Variants in PAX3 observed in about 807,000 individuals in gnomAD.
PAX3 encodes the protein paired box protein Pax-3.
In PAX3, 14 loss-of-function variants were observed where a neutral mutation model predicts 51.6. That is an observed-to-expected ratio of 0.27 (90% CI 0.18 to 0.42). The LOEUF (loss-of-function observed/expected upper bound fraction) is 0.42, where lower values mean the gene tolerates loss of function less well. Among genes scored for constraint, PAX3 ranks in the 10% least tolerant of loss-of-function variants. PAX3 has a pLI of 1.00. For synonymous variants in PAX3, 280 were observed against 253.4 expected, an observed-to-expected ratio of 1.11 and a Z score of -1.00; for missense variants, 540 against 642.8, an observed-to-expected ratio of 0.84 and a Z score of 1.73.
chr2:222,244,282 C>T (rs1280813322), intron 4 of PAX3, among the ~76,000 whole-genome samples: 2 of 152,142 alleles, frequency 1.3e-5, no homozygotes, highest in South Asian at 2.1e-4. Flanking sequence ...AGTTTCATGT[C>T]ATGGTGATGT....
intron 3 of PAX3, among the ~76,000 whole-genome samples, chr2:222,294,834 A>T (rs1695207597): frequency 7.8e-6 from 1 of 128,568 alleles, no homozygotes; most frequent in Non-Finnish European, 1.6e-5. Context: ...TAAGGCTATA[A>T]AGGGTTTAAA....
chr2:222,207,978 TG>T (rs1691577525), intron 7 of PAX3, among the ~76,000 whole-genome samples: 1 of 146,542 alleles, frequency 6.8e-6, no homozygotes, highest in African/African-American at 2.4e-5. Context: ...TATATGTATA[TG>T]TATATATATA....
intron 4 of PAX3, among the ~76,000 whole-genome samples, chr2:222,243,641 TTAGTA>T (rs1287172569): frequency 6.6e-6 from 1 of 152,208 alleles, no homozygotes; most frequent in Non-Finnish European, 1.5e-5. Flanking sequence ...TCTGTGATCT[TTAGTA>T]TAAAGATCAA....
chr2:222,236,726 A>G (rs1367902998), intron 4 of PAX3, among the ~76,000 whole-genome samples: 1 of 152,106 alleles, frequency 6.6e-6, no homozygotes, highest in Non-Finnish European at 1.5e-5. Flanking sequence ...TTAAATATAA[A>G]CTCTTTGGAC....
intron 4 of PAX3, chr2:222,264,602 C>T (rs960960119): frequency 6.6e-6 from 1 of 151,920 alleles, no homozygotes; most frequent in Non-Finnish European, 1.5e-5. Flanking sequence ...ATGATAATTT[C>T]AAAAAATAAA....
Position 222,298,689 on chromosome 2 carries a change from C to G in PAX3, c.-74G>C. ...GAAAGGCGAGTGCGGCGCGGATGACCCTCGGGAACTATCCGGAGCGTGGAG... is the reference window on the plus strand; with the variant it reads ...GAAAGGCGAGTGCGGCGCGGATGACGCTCGGGAACTATCCGGAGCGTGGAG... On this transcript the variant is annotated 5_prime_UTR_variant, in exon 1 of 9. Coordinates refer to ENST00000392070, the MANE Select transcript of PAX3 (RefSeq NM_181458.4). 1.4e-6 allele frequency: 2 copies of G among 1,397,338 alleles called. No individual in the cohort carries two copies. The highest frequency in any genetic ancestry group is 2.0e-6 in the Non-Finnish European group (2 of 1,007,872). The allele number at this position is 1,397,338 out of a possible 1,614,324, so 86.6% of individuals were successfully genotyped here.
intron 4 of PAX3, among the ~76,000 whole-genome samples, chr2:222,274,531 G>GA (rs1433700362): frequency 6.9e-6 from 1 of 144,046 alleles, no homozygotes; most frequent in Non-Finnish European, 1.5e-5. Flanking sequence ...GAAGTTTTTT[G>GA]TTTTTTTTTT....
chr2:222,274,428 T>C (rs917060975), intron 4 of PAX3, among the ~76,000 whole-genome samples: 1 of 151,920 alleles, frequency 6.6e-6, no homozygotes, highest in Admixed American at 6.6e-5. Flanking sequence ...TAATAGAGAA[T>C]GGAAAATAGT....
intron 4 of PAX3, among the ~76,000 whole-genome samples, chr2:222,246,321 C>A (rs751290408): frequency 4.6e-5 from 7 of 152,188 alleles, no homozygotes; most frequent in African/African-American, 7.2e-5. Flanking sequence ...CAGATGCCAA[C>A]ATTTAAAGAA....
At chr2:222,216,999 A>G (rs1489317690) in intron 7 of PAX3, among the ~76,000 whole-genome samples, 1 of 152,216 alleles carries the variant, frequency 6.6e-6, no homozygotes, top group East Asian at 1.9e-4. Context: ...GTGTAAATTG[A>G]CAGATGGCAG....
rs558106148 is a variant in PAX3, at chr2:222,240,025, G to A, written c.587-7742C>T. ...CCAAGCCCTTCCCTCGGAAGCTGCC[G>A]TCTCACAGCACGAGGTCATTAGAAG... On this transcript the variant is annotated intron_variant, in intron 4 of 8. Transcript: ENST00000392070. 6.6e-5 allele frequency among the ~76,000 whole-genome samples: 10 copies of A among 152,082 alleles called. No homozygotes were observed. In the South Asian group the frequency reaches 2.1e-3, roughly 32 times the overall value.
In PAX3 at chr2:222,297,335, A is replaced by G. The variant is rs1695358605; in HGVS notation, c.86-122T>C. ...TCCTCATGTTACAGCACCGACGCTG[A>G]AACTGCTCGACATCGGACTCCCAGA... On this transcript the variant is annotated intron_variant, in intron 1 of 8. Coordinates refer to ENST00000392070, the MANE Select transcript of PAX3 (RefSeq NM_181458.4). The G allele has an allele frequency of 1.4e-5, 11 of 763,920 alleles. No individual in the cohort carries two copies. In the South Asian group the frequency reaches 1.5e-4, roughly 10 times the overall value. The allele number at this position is 763,920 out of a possible 1,614,324, so 47.3% of individuals were successfully genotyped here.
chr2:222,270,051 C>T (rs1694196683), intron 4 of PAX3, among the ~76,000 whole-genome samples: 1 of 152,156 alleles, frequency 6.6e-6, no homozygotes, highest in Non-Finnish European at 1.5e-5. Flanking sequence ...TGCATTGTCC[C>T]CTTGCAACAC....
At chr2:222,256,225 C>T (rs1184472761) in intron 4 of PAX3, among the ~76,000 whole-genome samples, 3 of 152,080 alleles carry the variant, frequency 2.0e-5, no homozygotes, top group Non-Finnish European at 4.4e-5. Flanking sequence ...AGGAGGTAAA[C>T]TGGCCATAAG....
intron 4 of PAX3, among the ~76,000 whole-genome samples, chr2:222,252,509 T>C (rs1467492398): frequency 6.6e-6 from 1 of 152,220 alleles, no homozygotes; most frequent in Non-Finnish European, 1.5e-5. Flanking sequence ...CTTGTGTTTA[T>C]GAATTTTGTG....
At chr2:222,275,415 T>C (rs73063740) in intron 4 of PAX3, among the ~76,000 whole-genome samples, 15,061 of 151,344 alleles carry the variant, frequency 0.1, 818 homozygotes, top group South Asian at 0.17. Context: ...TTGGATATTT[T>C]ATATGCTCTA....
intron 7 of PAX3, among the ~76,000 whole-genome samples, chr2:222,206,732 T>TA (rs1390721482): frequency 2.0e-5 from 3 of 152,256 alleles, no homozygotes; most frequent in South Asian, 4.1e-4. Flanking sequence ...ATAAAAAAGA[T>TA]AAAAACTATG....
At chr2:222,238,318 T>C (rs1692877146) in intron 4 of PAX3, among the ~76,000 whole-genome samples, 1 of 152,200 alleles carries the variant, frequency 6.6e-6, no homozygotes, top group Non-Finnish European at 1.5e-5. Context: ...TCGGGAAATA[T>C]TTCATCCTAG....
chr2:222,240,259 T>C (rs1246495229), intron 4 of PAX3, among the ~76,000 whole-genome samples: 1 of 152,154 alleles, frequency 6.6e-6, no homozygotes, highest in Non-Finnish European at 1.5e-5. Flanking sequence ...ATTGGGTGTT[T>C]GTTTAAGATA....
Sources: allele counts gnomAD v4.1 joint callset (sites outside exome capture counted in the v4.1 genomes callset), GRCh38; gene constraint gnomAD v4.1.1; transcripts MANE v1.5; gene names NCBI Gene and HGNC (gene_info 2026-07-23, HGNC 2026-07-21).